The following RTN4IP1 variants were observed in gnomAD, a reference collection of about 807,000 sequenced individuals.
RTN4IP1 encodes the protein reticulon 4 interacting protein 1.
RTN4IP1 carries 32 observed loss-of-function variants against 46.6 expected under a neutral mutation model. The ratio of observed to expected loss-of-function variants is 0.69; its 90% CI spans 0.52 to 0.92. RTN4IP1 has a LOEUF of 0.92. Among genes scored for constraint, RTN4IP1 ranks in the 40% least tolerant of loss-of-function variants. RTN4IP1 has a pLI of 0.00. For missense variants in RTN4IP1, 424 were observed against 485.8 expected (o/e 0.87, Z 1.20); for synonymous variants, 167 against 161.8 (o/e 1.03, Z -0.24).
intron 5 of RTN4IP1, among the ~76,000 whole-genome samples, chr6:106,600,661 T>C (rs1191925132): frequency 1.3e-5 from 2 of 152,062 alleles, no homozygotes; most frequent in Non-Finnish European, 2.9e-5. Context: ...ACGATATAAA[T>C]GGAATCATAC....
intron 4 of RTN4IP1, 89 bp from the exon 5 acceptor site, chr6:106,603,011 G>T (rs1431984939): frequency 1.1e-6 from 1 of 872,494 alleles, no homozygotes; most frequent in Non-Finnish European, 1.8e-6. Context: ...TTGATGATAA[G>T]ATGATAAATA....
At chr6:106,626,613 T>C (rs1055110059) in intron 1 of RTN4IP1, among the ~76,000 whole-genome samples, 6 of 152,190 alleles carry the variant, frequency 3.9e-5, no homozygotes, top group East Asian at 3.9e-4. Context: ...ATAATGCTAA[T>C]ACATCAACTG....
intron 8 of RTN4IP1, among the ~76,000 whole-genome samples, chr6:106,582,133 C>T (rs1038259343): frequency 1.7e-4 from 26 of 152,178 alleles, no homozygotes; most frequent in African/African-American, 6.3e-4. Flanking sequence ...TAATAACAGG[C>T]CATCCTCTTA....
chr6:106,582,518 C>T (rs1438442066), intron 8 of RTN4IP1, among the ~76,000 whole-genome samples: 2 of 152,290 alleles, frequency 1.3e-5, no homozygotes, highest in East Asian at 1.9e-4. Context: ...GGCAAGTTGG[C>T]TTTTTCACCT....
At chr6:106,582,433 A>T (rs1265892146) in intron 8 of RTN4IP1, among the ~76,000 whole-genome samples, 2 of 152,222 alleles carry the variant, frequency 1.3e-5, no homozygotes, top group Non-Finnish European at 2.9e-5. Flanking sequence ...CTAAGAATAC[A>T]GCTGAAAGGT....
chr6:106,595,209 A>G (rs1775753799), intron 5 of RTN4IP1, among the ~76,000 whole-genome samples: 5 of 151,988 alleles, frequency 3.3e-5, no homozygotes, highest in African/African-American at 9.7e-5. Flanking sequence ...CACAGTCTGG[A>G]ATTTCTAACT....
chr6:106,629,783 C>T (rs563550716), upstream of RTN4IP1: 289 of 1,537,844 alleles, frequency 1.9e-4, no homozygotes, highest in African/African-American at 3.2e-3. Context: ...GTCCCTGGGC[C>T]TTACCACGCA....
At chr6:106,614,992 C>T (rs904343426) in intron 4 of RTN4IP1, among the ~76,000 whole-genome samples, 1 of 121,488 alleles carries the variant, frequency 8.2e-6, no homozygotes, top group African/African-American at 3.1e-5. Flanking sequence ...GAAAATAGAC[C>T]TGAAGCAAAG....
At chr6:106,630,238 T>C (rs918124860), upstream of RTN4IP1, among the ~76,000 whole-genome samples, 2 of 152,254 alleles carry the variant, frequency 1.3e-5, no homozygotes, top group African/African-American at 4.8e-5. Context: ...TATTTGTGAA[T>C]GCTTTCTGGG....
intron 8 of RTN4IP1, among the ~76,000 whole-genome samples, chr6:106,578,644 T>G (rs1433676097): frequency 6.6e-6 from 1 of 152,170 alleles, no homozygotes; most frequent in Non-Finnish European, 1.5e-5. Context: ...TGCAAACTAG[T>G]GTCCAAGAGC....
chr6:106,578,879 GC>G (rs1775288939), intron 8 of RTN4IP1, among the ~76,000 whole-genome samples: 1 of 151,576 alleles, frequency 6.6e-6, no homozygotes, highest in Non-Finnish European at 1.5e-5. Context: ...CTTAGGCTTT[GC>G]AGGCTTCACA....
In RTN4IP1 at chr6:106,590,847, G is replaced by A. The variant is rs151235650; in HGVS notation, c.806+1317C>T. ...TTAGGCCCTGACACACAGACAAGAC[G>A]GTAGCTGACAAAATCTCTGAAAGGG... On this transcript the variant is annotated intron_variant, in intron 6 of 8. Coordinates refer to ENST00000369063, the MANE Select transcript of RTN4IP1 (RefSeq NM_032730.5). Among the ~76,000 whole-genome samples the A allele has an allele frequency of 5.6e-3, 853 of 151,986 alleles. 4 individuals carry two copies. The highest frequency in any genetic ancestry group is 0.019 in the African/African-American group (802 of 41,448).
At chr6:106,594,259 G>A (rs1775729629) in intron 5 of RTN4IP1, among the ~76,000 whole-genome samples, 1 of 152,132 alleles carries the variant, frequency 6.6e-6, no homozygotes, top group South Asian at 2.1e-4. Context: ...TGTAATCGCA[G>A]CACTTTGGGA....
At chr6:106,609,482 T>C (rs910313029) in intron 4 of RTN4IP1, among the ~76,000 whole-genome samples, 1 of 152,174 alleles carries the variant, frequency 6.6e-6, no homozygotes, top group African/African-American at 2.4e-5. Context: ...TGAGCAATGA[T>C]TGTGCCACTG....
rs111711292 is a variant in RTN4IP1, at chr6:106,589,248, G to A, written c.807-1386C>T. Among the ~76,000 whole-genome samples, 2 of 8,996 alleles carry A rather than the reference G, an allele frequency of 2.2e-4. 1 individual carries two copies. The highest frequency in any genetic ancestry group is 2.9e-3 in the East Asian group (2 of 696). The allele number at this position is 8,996 out of a possible 152,430, so 5.9% of individuals were successfully genotyped here. A position where few individuals can be genotyped will look rare whatever the true frequency, so the allele number is the denominator to read the frequency against. Reference sequence around the variant, plus strand: ...GGGAGGAGGAGGGAGGGAGGAGGAGGAGAAGGAGGAGGAGAAGGAGAAGAA... The same window carrying A: ...GGGAGGAGGAGGGAGGGAGGAGGAGAAGAAGGAGGAGGAGAAGGAGAAGAA... On this transcript the variant is annotated intron_variant, in intron 6 of 8. Transcript: ENST00000369063.
At chr6:106,598,140 A>G (rs1038221918) in intron 5 of RTN4IP1, among the ~76,000 whole-genome samples, 9 of 152,026 alleles carry the variant, frequency 5.9e-5, no homozygotes, top group Non-Finnish European at 1.2e-4. Flanking sequence ...ATTGTGAATA[A>G]TGCCGCAATA....
At chr6:106,572,970 C>T (rs1361741772) in intron 8 of RTN4IP1, among the ~76,000 whole-genome samples, 4 of 152,156 alleles carry the variant, frequency 2.6e-5, no homozygotes, top group East Asian at 1.9e-4. Flanking sequence ...GTGGGAAAAA[C>T]GCACCTCATG....
chr6:106,591,699 T>A (rs6903754), intron 6 of RTN4IP1, among the ~76,000 whole-genome samples: 21,433 of 151,998 alleles, frequency 0.14, 1,736 homozygotes, highest in African/African-American at 0.21. Context: ...CAGCCTGGCA[T>A]TCAGACACAC....
At chr6:106,579,675 C>T (rs1228732947) in intron 8 of RTN4IP1, among the ~76,000 whole-genome samples, 1 of 151,998 alleles carries the variant, frequency 6.6e-6, no homozygotes, top group Non-Finnish European at 1.5e-5. Flanking sequence ...ACAGAGAGTG[C>T]TCATTATTGT....
Sources: allele counts gnomAD v4.1 joint callset (sites outside exome capture counted in the v4.1 genomes callset), GRCh38; gene constraint gnomAD v4.1.1; transcripts MANE v1.5; gene names NCBI Gene and HGNC (gene_info 2026-07-23, HGNC 2026-07-21).